The following TBC1D8 variants were observed in gnomAD, a reference collection of about 807,000 sequenced individuals.
The protein encoded by TBC1D8 is BUB2-like protein 1.
Under a neutral mutation model 118.8 loss-of-function variants are expected in TBC1D8, and 65 were observed. The ratio of observed to expected loss-of-function variants is 0.55; its 90% confidence interval spans 0.45 to 0.67. The LOEUF (loss-of-function observed/expected upper bound fraction) is 0.67, where lower values mean the gene tolerates loss of function less well. Ranked by LOEUF, TBC1D8 falls within the 30% of genes least tolerant of loss-of-function variation. The probability of loss-of-function intolerance (pLI) is 0.00; values close to 1 mark genes in which losing one functional copy is unlikely to be tolerated. For synonymous variants in TBC1D8, 566 were observed against 595.8 expected, an observed-to-expected ratio of 0.95 and a Z score of 0.73; for missense variants, 1,376 against 1,471.2, an observed-to-expected ratio of 0.94 and a Z score of 1.06.
chr2:101,074,032 C>A (rs1674647007), intron 2 of TBC1D8, among the ~76,000 whole-genome samples: 1 of 152,254 alleles, frequency 6.6e-6, no homozygotes, highest in South Asian at 2.1e-4. Flanking sequence ...CTGTTTGGCC[C>A]AAGAGGCCTA....
In TBC1D8 at chr2:101,096,438, A is replaced by C. The variant is rs528713412; in HGVS notation, c.128-6074T>G. Among the ~76,000 whole-genome samples the C allele has an allele frequency of 3.5e-4, 52 of 149,740 alleles. 1 individual carries two copies. The highest frequency in any genetic ancestry group is 1.3e-3 in the African/African-American group (52 of 40,488). On this transcript the variant is annotated intron_variant, in intron 1 of 19. Transcript: ENST00000409318. ...TTTTGACAAAAAAAAAAAAAAAAAA[A>C]AAAAAAAAACTATAATGCACGCTAC...
At chr2:101,147,015 C>T (rs1281036058) in intron 1 of TBC1D8, among the ~76,000 whole-genome samples, 2 of 151,864 alleles carry the variant, frequency 1.3e-5, no homozygotes. Flanking sequence ...CAGGTTCATC[C>T]ATGTTGTTGC....
chr2:101,127,777 C>A (rs1481754187), intron 1 of TBC1D8, among the ~76,000 whole-genome samples: 2 of 152,162 alleles, frequency 1.3e-5, no homozygotes, highest in African/African-American at 4.8e-5. Flanking sequence ...GGAACCTGAG[C>A]CTGGAGGAAG....
intron 11 of TBC1D8, among the ~76,000 whole-genome samples, chr2:101,031,281 G>A (rs988943144): frequency 6.6e-6 from 1 of 152,176 alleles, no homozygotes; most frequent in Non-Finnish European, 1.5e-5. Flanking sequence ...CGGTGTGCAC[G>A]GCTGAAGGCT....
chr2:101,033,578 T>C lies in TBC1D8; in HGVS notation c.1784A>G (p.Tyr595Cys), dbSNP rs752142800. The C allele has an allele frequency of 6.2e-7, 1 of 1,613,908 alleles. No individual in the cohort carries two copies. The highest frequency in any genetic ancestry group is 8.5e-7 in the Non-Finnish European group (1 of 1,179,884). The change falls in exon 10 of 20, where the codon TAT becomes TGT. Residue 595 changes from tyrosine (Y) to cysteine (C), a missense_variant. Transcript: ENST00000409318. ...IAALRRVLTA[Y>C]AHRNPKIGYC... is the part of the protein sequence containing the mutation. ...TCCAATCTTGGGGTTCCGGTGGGCA[T>C]AGGCCGTCAAGACTCTCCTCAAAGC...
chr2:101,018,114 A>G (rs1298571670), intron 17 of TBC1D8: 2 of 568,568 alleles, frequency 3.5e-6, no homozygotes, highest in Non-Finnish European at 6.2e-6. Context: ...ACTTTTTCAT[A>G]TAAAGTTTTC....
chr2:101,056,424 G>C (rs1048908702), intron 3 of TBC1D8, among the ~76,000 whole-genome samples: 5 of 151,972 alleles, frequency 3.3e-5, no homozygotes, highest in African/African-American at 1.2e-4. Context: ...GGATGGTCTC[G>C]ATTTCCTGAC....
intron 1 of TBC1D8, among the ~76,000 whole-genome samples, chr2:101,141,143 C>T (rs1679080622): frequency 6.6e-6 from 1 of 152,050 alleles, no homozygotes; most frequent in Admixed American, 6.6e-5. Context: ...GACTACCACC[C>T]GAGACCCAAC....
chr2:101,032,442 G>C (rs1437419211), intron 10 of TBC1D8, 57 bp from the exon 11 acceptor site: 1 of 1,486,222 alleles, frequency 6.7e-7, no homozygotes. Flanking sequence ...CCACAGAGAT[G>C]TTACAAGCAT....
At chr2:101,015,983 T>G (rs878998738) in intron 17 of TBC1D8, among the ~76,000 whole-genome samples, 1 of 151,706 alleles carries the variant, frequency 6.6e-6, no homozygotes, top group Non-Finnish European at 1.5e-5. Flanking sequence ...GAAGAAAACC[T>G]AGGCATTACC....
rs1013728781 is a variant in TBC1D8 at position 101,022,499 on chromosome 2, T to C, written c.2543A>G (p.Tyr848Cys). The change falls in exon 16 of 20, where the codon TAC (tyrosine) becomes TGC (cysteine). Residue 848 changes from tyrosine (Y) to cysteine (C), a missense_variant. Coordinates refer to ENST00000409318, the MANE Select transcript of TBC1D8 (RefSeq NM_001330348.2). Reference sequence around the variant, plus strand: ...GGCCATGGGCCTGGGCTGCTCCCAGTAACAGCTCATCATATGTTCTCTCTT... The same window carrying C: ...GGCCATGGGCCTGGGCTGCTCCCAGCAACAGCTCATCATATGTTCTCTCTT... The part of the protein sequence containing the change: ...LFKREHMMSC[Y>C]WEQPRPMASR... The C allele has an allele frequency of 2.3e-5, 37 of 1,596,890 alleles. No homozygotes were observed. The highest frequency in any genetic ancestry group is 2.6e-5 in the Non-Finnish European group (31 of 1,175,538).
intron 1 of TBC1D8, among the ~76,000 whole-genome samples, chr2:101,091,776 G>A (rs1001451388): frequency 6.6e-6 from 1 of 152,190 alleles, no homozygotes; most frequent in South Asian, 2.1e-4. Flanking sequence ...AGATGGCTAA[G>A]ATGGCTGAGA....
chr2:101,111,445 A>T (rs1677577203), intron 1 of TBC1D8, among the ~76,000 whole-genome samples: 1 of 152,228 alleles, frequency 6.6e-6, no homozygotes, highest in Non-Finnish European at 1.5e-5. Context: ...CGAATCCACA[A>T]CACGAATGCC....
intron 2 of TBC1D8, among the ~76,000 whole-genome samples, chr2:101,067,534 G>A (rs988951447): frequency 2.0e-5 from 3 of 152,164 alleles, no homozygotes; most frequent in Non-Finnish European, 4.4e-5. Flanking sequence ...TTCACAGTAT[G>A]CTGTTAGTCT....
intron 1 of TBC1D8, among the ~76,000 whole-genome samples, chr2:101,111,352 G>A (rs17795713): frequency 0.011 from 1,692 of 152,328 alleles, 16 homozygotes; most frequent in Non-Finnish European, 0.019. Flanking sequence ...TCCGGCGGTG[G>A]CAACCTGAGA....
At chr2:101,037,161 G>A (rs531455652) in intron 8 of TBC1D8, among the ~76,000 whole-genome samples, 85 of 152,294 alleles carry the variant, frequency 5.6e-4, no homozygotes, top group African/African-American at 1.8e-3. Flanking sequence ...CTAGAAGACT[G>A]GTGACCTCTT....
At chr2:101,026,612 C>T (rs774885790) in intron 15 of TBC1D8, among the ~76,000 whole-genome samples, 1 of 152,170 alleles carries the variant, frequency 6.6e-6, no homozygotes, top group African/African-American at 2.4e-5. Context: ...CCCACCAAGA[C>T]GAGCTGGGGC....
chr2:101,013,483 T>C (rs1243384565), intron 17 of TBC1D8, among the ~76,000 whole-genome samples: 3 of 152,256 alleles, frequency 2.0e-5, no homozygotes, highest in Non-Finnish European at 4.4e-5. Context: ...GTGTTCATTG[T>C]GTCTCACTTC....
In TBC1D8 at chr2:101,022,185, A is replaced by G. The variant is rs969655461; in HGVS notation, c.2761+96T>C. On this transcript the variant is annotated intron_variant, in intron 16 of 19. Coordinates refer to ENST00000409318, the MANE Select transcript of TBC1D8 (RefSeq NM_001330348.2). ...GTCAGGCCAGTCACAAAAGTGTTAC[A>G]CCATGTGCATCTGCCTGCTCCGAAG... 1.9e-6 allele frequency: 3 copies of G among 1,564,818 alleles called. No homozygotes were observed. The African/African-American group carries it at 4.1e-5, about 21-fold the overall frequency.
Sources: allele counts gnomAD v4.1 joint callset (sites outside exome capture counted in the v4.1 genomes callset), GRCh38; gene constraint gnomAD v4.1.1; transcripts MANE v1.5; gene names NCBI Gene and HGNC (gene_info 2026-07-23, HGNC 2026-07-21).